The following NAV3 variants were observed in gnomAD, a reference collection of about 807,000 sequenced individuals.
The protein encoded by NAV3 is pore membrane and/or filament interacting like protein 1.
A neutral mutation model predicts 244.7 loss-of-function variants in NAV3; 87 were observed. The observed-to-expected ratio is 0.36, with a 90% CI of 0.30 to 0.42. The LOEUF is 0.42. Ranked by LOEUF, NAV3 falls within the 20% of genes least tolerant of loss-of-function variation. The probability of loss-of-function intolerance (pLI) is 1.00; values close to 1 mark genes in which losing one functional copy is unlikely to be tolerated. For synonymous variants in NAV3, 1,126 were observed against 1,042.2 expected, an observed-to-expected ratio of 1.08 and a Z score of -1.55; for missense variants, 2,663 against 2,893.3, an observed-to-expected ratio of 0.92 and a Z score of 1.83.
intron 12 of NAV3, among the ~76,000 whole-genome samples, chr12:78,098,947 T>C (rs1284800901): frequency 7.7e-6 from 1 of 129,480 alleles, no homozygotes; most frequent in African/African-American, 2.6e-5. Context: ...TGCCTGAAAG[T>C]ATCCAGGGTT....
chr12:78,005,984 C>A (rs773677149), intron 7 of NAV3, among the ~76,000 whole-genome samples: 3 of 152,164 alleles, frequency 2.0e-5, no homozygotes, highest in Non-Finnish European at 4.4e-5. Flanking sequence ...TCTCAGCTCA[C>A]TGCAACCTCT....
intron 12 of NAV3, among the ~76,000 whole-genome samples, chr12:78,084,443 G>C: frequency 6.6e-6 from 1 of 152,008 alleles, no homozygotes; most frequent in East Asian, 1.9e-4. Flanking sequence ...AAACTGTCCT[G>C]TATCACCAAT....
chr12:77,822,996 C>A (rs1872809915), intron 2 of NAV3, among the ~76,000 whole-genome samples: 2 of 152,050 alleles, frequency 1.3e-5, no homozygotes, highest in South Asian at 4.1e-4. Context: ...ATAAACTGAA[C>A]AAAAGCATAT....
chr12:77,736,132 T>C (rs1354787325), intron 2 of NAV3, among the ~76,000 whole-genome samples: 2 of 152,218 alleles, frequency 1.3e-5, no homozygotes, highest in African/African-American at 4.8e-5. Context: ...AAACATATTT[T>C]AGGCCATATG....
intron 2 of NAV3, among the ~76,000 whole-genome samples, chr12:77,661,899 A>G (rs59069010): frequency 0.046 from 6,962 of 152,136 alleles, 271 homozygotes; most frequent in African/African-American, 0.1. Flanking sequence ...TGTACATAGA[A>G]CAAAATTATA....
intron 16 of NAV3, among the ~76,000 whole-genome samples, chr12:78,125,269 T>G (rs1955857012): frequency 6.6e-6 from 1 of 152,204 alleles, no homozygotes; most frequent in Non-Finnish European, 1.5e-5. Flanking sequence ...AAGTTCATGA[T>G]TTACCTGTTT....
At chr12:78,124,101 C>T (rs116414430) in intron 16 of NAV3, among the ~76,000 whole-genome samples, 165 of 152,274 alleles carry the variant, frequency 1.1e-3, no homozygotes, top group African/African-American at 3.3e-3. Context: ...TTCCACAAAA[C>T]TGGTCATTTT....
chr12:77,854,163 T>C (rs1877988919), intron 1 of NAV3, among the ~76,000 whole-genome samples: 1 of 152,204 alleles, frequency 6.6e-6, no homozygotes, highest in South Asian at 2.1e-4. Context: ...GCCTAATTAG[T>C]TACTGATATA....
chr12:78,080,868 GCTTGT>G (rs1953310295), intron 12 of NAV3, among the ~76,000 whole-genome samples: 1 of 152,202 alleles, frequency 6.6e-6, no homozygotes, highest in Non-Finnish European at 1.5e-5. Flanking sequence ...CCTCAAACTT[GCTTGT>G]CTTATGACTT....
intron 2 of NAV3, among the ~76,000 whole-genome samples, chr12:77,619,631 A>T (rs1871282618): frequency 6.6e-6 from 1 of 152,162 alleles, no homozygotes; most frequent in Non-Finnish European, 1.5e-5. Context: ...TATGGCATTA[A>T]TTGTTTTTGG....
intron 2 of NAV3, among the ~76,000 whole-genome samples, chr12:77,623,221 A>G (rs1871462566): frequency 6.6e-6 from 1 of 152,216 alleles, no homozygotes; most frequent in Non-Finnish European, 1.5e-5. Flanking sequence ...TTGATTTTTT[A>G]TATTAAAATT....
intron 13 of NAV3, 44 bp downstream of exon 13, chr12:78,116,948 T>C (rs2138524244): frequency 6.2e-7 from 1 of 1,603,564 alleles, no homozygotes. Flanking sequence ...CTGCCAGCTT[T>C]TTCCCCAAAA....
chr12:77,984,513 C>A (rs976878584), intron 5 of NAV3, among the ~76,000 whole-genome samples: 3 of 146,116 alleles, frequency 2.1e-5, no homozygotes, highest in African/African-American at 7.6e-5. Flanking sequence ...TAGCACTTAT[C>A]TTTACCAGAC....
At chr12:78,169,919 GA>G (rs1957934812) in intron 24 of NAV3, among the ~76,000 whole-genome samples, 1 of 151,472 alleles carries the variant, frequency 6.6e-6, no homozygotes, top group East Asian at 1.9e-4. Flanking sequence ...CTGTTCCTTT[GA>G]AATATTTTTT....
intron 12 of NAV3, among the ~76,000 whole-genome samples, chr12:78,067,731 A>G (rs1377923570): frequency 6.6e-6 from 1 of 151,928 alleles, no homozygotes; most frequent in African/African-American, 2.4e-5. Flanking sequence ...CAACACTACA[A>G]CTGGCCCAAG....
chr12:78,037,536 A>C, intron 9 of NAV3: 1 of 577,578 alleles, frequency 1.7e-6, no homozygotes, highest in South Asian at 2.1e-5. Context: ...TGTTTCTTGA[A>C]GTGATTTTTT....
At chr12:77,679,964 G>T (rs981879914) in intron 2 of NAV3, among the ~76,000 whole-genome samples, 1 of 152,106 alleles carries the variant, frequency 6.6e-6, no homozygotes, top group Non-Finnish European at 1.5e-5. Context: ...GGAGGTACGC[G>T]TCATGTCCTT....
At chr12:77,661,325 G>C (rs191848643) in intron 2 of NAV3, among the ~76,000 whole-genome samples, 32 of 152,140 alleles carry the variant, frequency 2.1e-4, no homozygotes, top group Admixed American at 7.2e-4. Flanking sequence ...ATTTCATAAT[G>C]ACTAATGATG....
intron 2 of NAV3, among the ~76,000 whole-genome samples, chr12:77,940,645 AT>A (rs1889780737): frequency 1.3e-5 from 2 of 152,238 alleles, no homozygotes. Flanking sequence ...GTATCTTTAT[AT>A]ACATAAACTT....
Sources: gnomAD v4.1 joint callset for allele counts (sites outside exome capture counted in the v4.1 genomes callset) on GRCh38, gnomAD v4.1.1 for gene constraint, MANE v1.5 for transcripts, NCBI Gene and HGNC (gene_info 2026-07-23, HGNC 2026-07-21) for gene names.